Variants in TMEM154 observed in about 807,000 individuals in gnomAD.
The protein encoded by TMEM154 is transmembrane protein 154.
Under a neutral mutation model 24.5 loss-of-function variants are expected in TMEM154, and 27 were observed. That is an observed-to-expected ratio of 1.10 (90% CI 0.81 to 1.52). The LOEUF (loss-of-function observed/expected upper bound fraction) is 1.52. Ranked by LOEUF, TMEM154 falls within the 40% of genes most tolerant of loss-of-function variation. The probability of loss-of-function intolerance (pLI) is 0.00; values close to 1 mark genes in which losing one functional copy is unlikely to be tolerated. For missense variants in TMEM154, 228 were observed against 213.4 expected, an observed-to-expected ratio of 1.07 and a Z score of -0.43; for synonymous variants, 67 against 76.8, an observed-to-expected ratio of 0.87 and a Z score of 0.67.
chr4:152,633,958 G>A (rs1025897805), intron 6 of TMEM154, among the ~76,000 whole-genome samples: 5 of 148,956 alleles, frequency 3.4e-5, no homozygotes, highest in Non-Finnish European at 7.4e-5. Flanking sequence ...AGACTGAGAA[G>A]GTTGAGGCTG....
Position 152,653,036 on chromosome 4 carries a change from C to T in TMEM154, c.65-109G>A. 3.3e-6 allele frequency: 4 copies of T among 1,204,356 alleles called. No individual in the cohort carries two copies. The South Asian group carries it at 6.6e-5, about 20-fold the overall frequency. 74.6% of individuals were successfully genotyped at this position (1,204,356 alleles called of 1,614,324 possible). On this transcript the variant is annotated intron_variant, in intron 1 of 6. Coordinates refer to ENST00000304385, the MANE Select transcript of TMEM154 (RefSeq NM_152680.3). ...GATACATTCTGTGATAAATTTGACC[C>T]ACTATACTTGGCCTCCAAGCTAAGT... is the stretch of plus-strand genomic sequence containing the variant.
In TMEM154 at chr4:152,679,895, C is replaced by T; in HGVS notation, c.39G>A (p.Val13=). ...CCCGGCCGACGGGAACGAGCGCGAT[C>T]ACCAGGGCGAAGACTAGGGCTGCGC... ...APRAALVFAL[V]IALVPVGRGN... The change falls in exon 1 of 7, where the codon GTG becomes GTA. Residue 13 remains valine (V), a synonymous_variant. Coordinates refer to ENST00000304385, the MANE Select transcript of TMEM154 (RefSeq NM_152680.3). The T allele has an allele frequency of 6.2e-7, 1 of 1,610,970 alleles. No individual in the cohort carries two copies. The highest frequency in any genetic ancestry group is 8.5e-7 in the Non-Finnish European group (1 of 1,179,048).
rs552325807 is a variant in TMEM154, at chr4:152,628,338, T to C, written c.*208A>G. On this transcript the variant is annotated 3_prime_UTR_variant, in exon 7 of 7. Transcript: ENST00000304385. ...GCAGCGATGGATGGCAGCCAGGCCTTTTCCTAGTACTTCTCAATTGCACAT... is the reference window on the plus strand; with the variant it reads ...GCAGCGATGGATGGCAGCCAGGCCTCTTCCTAGTACTTCTCAATTGCACAT... 13 of 841,776 alleles carry C rather than the reference T, an allele frequency of 1.5e-5. No homozygotes were observed. The African/African-American group carries it at 2.1e-4, about 13-fold the overall frequency. 52.1% of individuals were successfully genotyped at this position (841,776 alleles called of 1,614,324 possible).
chr4:152,650,038 T>C (rs1236415626), intron 3 of TMEM154, among the ~76,000 whole-genome samples: 1 of 152,184 alleles, frequency 6.6e-6, no homozygotes, highest in Non-Finnish European at 1.5e-5. Context: ...AAGTTGTAAT[T>C]ATTTTTCTGG....
chr4:152,661,542 T>A (rs564194495), intron 1 of TMEM154, among the ~76,000 whole-genome samples: 1 of 152,146 alleles, frequency 6.6e-6, no homozygotes, highest in Non-Finnish European at 1.5e-5. Context: ...TCATTTATAT[T>A]GTTAATTTCT....
In TMEM154 at chr4:152,626,792, G is replaced by T. The variant is rs772833495; in HGVS notation, c.*1754C>A. 1 of 152,166 alleles carries T rather than the reference G, an allele frequency of 6.6e-6. No individual in the cohort carries two copies. The highest frequency in any genetic ancestry group is 1.5e-5 in the Non-Finnish European group (1 of 68,038). The allele number at this position is 152,166 out of a possible 1,614,324, so 9.4% of individuals were successfully genotyped here. A position where few individuals can be genotyped will look rare whatever the true frequency, so the allele number is the denominator to read the frequency against. The stretch of plus-strand genomic sequence containing the variant: ...TGGAGGCTCTTCTGAGAGTCAAAAT[G>T]TTGATGAGAAACAAACTGAAAGTAG... On this transcript the variant is annotated 3_prime_UTR_variant, in exon 7 of 7. Transcript: ENST00000304385.
At chr4:152,660,378 C>CCCA (rs1728577964) in intron 1 of TMEM154, among the ~76,000 whole-genome samples, 1 of 150,756 alleles carries the variant, frequency 6.6e-6, no homozygotes, top group African/African-American at 2.5e-5. Context: ...CAGACCCCGC[C>CCCA]CCCCCCTCAC....
chr4:152,665,774 G>A (rs1728707305), intron 1 of TMEM154, among the ~76,000 whole-genome samples: 1 of 150,750 alleles, frequency 6.6e-6, no homozygotes, highest in Non-Finnish European at 1.5e-5. Flanking sequence ...TCTGGGAGGG[G>A]GCCCAAGAAT....
At chr4:152,666,242 T>C (rs1010953826) in intron 1 of TMEM154, 5 of 152,212 alleles carry the variant, frequency 3.3e-5, no homozygotes, top group Admixed American at 3.3e-4. Flanking sequence ...CAGCGTCACC[T>C]GGGAAGTTTT....
intron 6 of TMEM154, among the ~76,000 whole-genome samples, chr4:152,636,305 C>T (rs1752147734): frequency 6.6e-6 from 1 of 152,238 alleles, no homozygotes. Flanking sequence ...GCAGACCCCT[C>T]CTAGCACCCT....
At chr4:152,667,106 A>G (rs2149789388) in intron 1 of TMEM154, 1 of 152,350 alleles carries the variant, frequency 6.6e-6, no homozygotes, top group Middle Eastern at 3.4e-3. Flanking sequence ...ACTGTTTTGT[A>G]CGTATCCCCA....
rs1751872090 is a variant in TMEM154, at chr4:152,623,497, C to T, written c.*5049G>A. 1 of 152,172 alleles carries T rather than the reference C, an allele frequency of 6.6e-6. No individual in the cohort carries two copies. 9.4% of individuals were successfully genotyped at this position (152,172 alleles called of 1,614,324 possible). On this transcript the variant is annotated 3_prime_UTR_variant, in exon 7 of 7. Coordinates refer to ENST00000304385, the MANE Select transcript of TMEM154 (RefSeq NM_152680.3). Reference sequence around the variant, plus strand: ...CGACATCAGAGTAATACATTGCTTACTCTCCACTGATTTGTACACTGGAAA... The same window carrying T: ...CGACATCAGAGTAATACATTGCTTATTCTCCACTGATTTGTACACTGGAAA...
At position 152,644,183 on chromosome 4, in the gene TMEM154, A is replaced by G. The variant is rs111286892; in HGVS notation, c.392+232T>C. On this transcript the variant is annotated intron_variant, in intron 4 of 6. Transcript: ENST00000304385. The stretch of plus-strand genomic sequence containing the variant: ...CAGGATTCTTTTCTGAATGTAGGAC[A>G]ATGAAATAAAACAGATGCCAAGCTG... 2.2e-3 allele frequency among the ~76,000 whole-genome samples: 330 copies of G among 152,352 alleles called. 2 individuals carry two copies. Among genetic ancestry groups the G allele is most frequent in the African/African-American group, 7.6e-3 (318 of 41,576 alleles).
Position 152,628,472 on chromosome 4 carries a change from T to C in TMEM154, c.*74A>G. Reference sequence around the variant, plus strand: ...GAAATTAATTAAATTTGTATCCTCTTCATCCTCTGTTGGCAGCCTCAGCAG... The same window carrying C: ...GAAATTAATTAAATTTGTATCCTCTCCATCCTCTGTTGGCAGCCTCAGCAG... On this transcript the variant is annotated 3_prime_UTR_variant, in exon 7 of 7. Transcript: ENST00000304385. The C allele has an allele frequency of 1.2e-6, 2 of 1,600,598 alleles. No homozygotes were observed. The highest frequency in any genetic ancestry group is 1.7e-5 in the Admixed American group (1 of 58,994).
chr4:152,652,298 T>C (rs1319466874), intron 3 of TMEM154, among the ~76,000 whole-genome samples: 4 of 149,470 alleles, frequency 2.7e-5, no homozygotes, highest in Admixed American at 2.7e-4. Context: ...AAGCAATACC[T>C]GTAAAGTGCA....
chr4:152,675,027 G>T (rs1434213551), intron 1 of TMEM154, among the ~76,000 whole-genome samples: 2 of 151,880 alleles, frequency 1.3e-5, no homozygotes, highest in Non-Finnish European at 2.9e-5. Context: ...GTGGTGGCAT[G>T]CGCCTATAAT....
intron 1 of TMEM154, among the ~76,000 whole-genome samples, chr4:152,671,067 T>C (rs996337542): frequency 6.6e-6 from 1 of 152,084 alleles, no homozygotes; most frequent in Admixed American, 6.5e-5. Context: ...CTCAGGTATT[T>C]GATGCAGGGG....
chr4:152,668,347 T>G (rs999716670), intron 1 of TMEM154: 1 of 152,186 alleles, frequency 6.6e-6, no homozygotes, highest in African/African-American at 2.4e-5. Context: ...CTGAATACTT[T>G]CCCAATTTTA....
chr4:152,642,842 T>A (rs182186351), intron 5 of TMEM154, among the ~76,000 whole-genome samples: 92 of 152,342 alleles, frequency 6.0e-4, no homozygotes, highest in African/African-American at 2.1e-3. Flanking sequence ...CTTTCTTGAA[T>A]AAAATACCAT....
Sources: allele counts gnomAD v4.1 joint callset (sites outside exome capture counted in the v4.1 genomes callset), GRCh38; gene constraint gnomAD v4.1.1; transcripts MANE v1.5; gene names NCBI Gene and HGNC (gene_info 2026-07-23, HGNC 2026-07-21).